The following CACNA2D4 variants were observed in gnomAD, a reference collection of about 807,000 sequenced individuals.
CACNA2D4 encodes voltage-dependent calcium channel subunit alpha-2/delta-4.
In CACNA2D4, 157 loss-of-function variants were observed where a neutral mutation model predicts 163.8. That is an observed-to-expected ratio of 0.96 (90% CI 0.84 to 1.09). The LOEUF (loss-of-function observed/expected upper bound fraction) is 1.09. Ranked by LOEUF, CACNA2D4 falls within the 50% of genes least tolerant of loss-of-function variation. CACNA2D4 has a pLI of 0.00. For missense variants in CACNA2D4, 1,410 were observed against 1,479.9 expected, an observed-to-expected ratio of 0.95 and a Z score of 0.78; for synonymous variants, 598 against 586.9, an observed-to-expected ratio of 1.02 and a Z score of -0.27.
chr12:1,886,109 A>C (rs1213146458), intron 8 of CACNA2D4, 70 bp from the exon 9 acceptor site: 1 of 1,543,314 alleles, frequency 6.5e-7, no homozygotes, highest in Non-Finnish European at 9.0e-7. Flanking sequence ...GTCCAGGCCC[A>C]GCAAAGACAC....
chr12:1,857,273 C>T (rs563946453), intron 20 of CACNA2D4, among the ~76,000 whole-genome samples: 3 of 152,288 alleles, frequency 2.0e-5, no homozygotes, highest in South Asian at 4.1e-4. Context: ...AGGGGCAGCT[C>T]CCAGACAGAT....
rs770672605 is a variant in CACNA2D4 at position 1,856,007 on chromosome 12, C to T, written c.2152+5G>A. The T allele has an allele frequency of 6.2e-7, 1 of 1,612,300 alleles. No individual in the cohort carries two copies. Among genetic ancestry groups the T allele is most frequent in the South Asian group, 1.1e-5 (1 of 91,042 alleles). On this transcript the variant is annotated splice_donor_5th_base_variant and intron_variant, in intron 22 of 37. Coordinates refer to ENST00000382722, the MANE Select transcript of CACNA2D4 (RefSeq NM_172364.5). ...AGCTTGCCTCAGTGGGCGGCCAGCA[C>T]TCACACTCCAGGTCTGGGTCCTTCC... is the stretch of plus-strand genomic sequence containing the variant.
chr12:1,797,309 C>A, intron 35 of CACNA2D4, 109 bp downstream of exon 35: 1 of 814,978 alleles, frequency 1.2e-6, no homozygotes, highest in South Asian at 1.5e-5. Context: ...ATCCCCTCCT[C>A]CCGGCTGTGG....
At position 1,797,560 on chromosome 12, in the gene CACNA2D4, G is replaced by A. The variant is rs961060027; in HGVS notation, c.2996-25C>T. 9 of 1,520,600 alleles carry A rather than the reference G, an allele frequency of 5.9e-6. No homozygotes were observed. In the East Asian group the frequency reaches 1.5e-4, roughly 25 times the overall value. The allele number at this position is 1,520,600 out of a possible 1,614,324, so 94.2% of individuals were successfully genotyped here. A position where few individuals can be genotyped will look rare whatever the true frequency, so the allele number is the denominator to read the frequency against. The stretch of plus-strand genomic sequence containing the variant: ...GCTGCGGGCGGAGAAAGGACATCAC[G>A]CCACCGAAGGGGCCTCTGGCCTGCG... On this transcript the variant is annotated intron_variant, in intron 34 of 37. Transcript: ENST00000382722.
rs370708521 is a variant in CACNA2D4 at position 1,884,303 on chromosome 12, G to C, written c.1291C>G (p.Leu431Val). 1.2e-6 allele frequency: 2 copies of C among 1,612,566 alleles called. No homozygotes were observed. Among genetic ancestry groups the C allele is most frequent in the African/African-American group, 2.7e-5 (2 of 75,006 alleles). Residue 431 changes from leucine (L) to valine (V), a missense_variant, in exon 12 of 38, where the codon CTC becomes GTC. Coordinates refer to ENST00000382722, the MANE Select transcript of CACNA2D4 (RefSeq NM_172364.5). ...PDCKVRVFTY[L>V]IGREVSFADR... ...GCAAAAGACACTTCTCTCCCAATGA[G>C]GTAAGTGAAAACTCGGACCTAACCC...
In CACNA2D4 at chr12:1,828,142, C is replaced by T; in HGVS notation, c.2551+12597G>A. ...GCGACAGGGCCCGGAGAGCCGTGGG[C>T]CTCACCATGCTGGCGCCGGGCAGCA... is the stretch of plus-strand genomic sequence containing the variant. On this transcript the variant is annotated intron_variant, in intron 26 of 37. Coordinates refer to ENST00000382722, the MANE Select transcript of CACNA2D4 (RefSeq NM_172364.5). This position sits in a 1 kb window ranked among gnomAD's most constrained non-coding sequence, Gnocchi z 4.2. 2 of 1,537,572 alleles carry T rather than the reference C, an allele frequency of 1.3e-6. No individual in the cohort carries two copies. Among genetic ancestry groups the T allele is most frequent in the Middle Eastern group, 1.9e-4 (1 of 5,314 alleles).
At position 1,834,731 on chromosome 12, in the gene CACNA2D4, C is replaced by T; in HGVS notation, c.2551+6008G>A. 6.3e-7 allele frequency: 1 copy of T among 1,575,134 alleles called. No individual in the cohort carries two copies. Among genetic ancestry groups the T allele is most frequent in the Non-Finnish European group, 8.6e-7 (1 of 1,162,208 alleles). The stretch of plus-strand genomic sequence containing the variant: ...CTCTTCTGTGGCCTGAGCGCCCATC[C>T]CCACCCGGCCAGGTAGGAAGGGCGG... On this transcript the variant is annotated intron_variant, in intron 26 of 37. Transcript: ENST00000382722. The surrounding 1 kb of genome is among the most constrained non-coding windows in gnomAD (Gnocchi z 7.6).
intron 3 of CACNA2D4, among the ~76,000 whole-genome samples, chr12:1,912,118 G>A (rs565979000): frequency 2.0e-5 from 3 of 152,320 alleles, no homozygotes; most frequent in Admixed American, 1.3e-4. Flanking sequence ...GTACACTGGA[G>A]AGGCCGCAGC....
chr12:1,878,523 A>C lies in CACNA2D4; in HGVS notation c.1645-134T>G, dbSNP rs1865928096. 2 of 1,496,550 alleles carry C rather than the reference A, an allele frequency of 1.3e-6. No homozygotes were observed. Among genetic ancestry groups the C allele is most frequent in the Non-Finnish European group, 1.8e-6 (2 of 1,107,634 alleles). 92.7% of individuals were successfully genotyped at this position (1,496,550 alleles called of 1,614,324 possible). A position where few individuals can be genotyped will look rare whatever the true frequency, so the allele number is the denominator to read the frequency against. ...CAGTGAGTGTTTTCAATAGGAACGT[A>C]ACTGAGCCAGTGCCATGCTTCCATC... On this transcript the variant is annotated intron_variant, in intron 15 of 37. Transcript: ENST00000382722. The surrounding 1 kb of genome is among the most constrained non-coding windows in gnomAD (Gnocchi z 4.6).
intron 16 of CACNA2D4, among the ~76,000 whole-genome samples, chr12:1,876,883 T>G (rs1241731474): frequency 6.6e-6 from 1 of 152,222 alleles, no homozygotes; most frequent in Non-Finnish European, 1.5e-5. Context: ...ACTGCAATTC[T>G]ACTCCATTAA....
chr12:1,813,840 G>A (rs1437827889), intron 26 of CACNA2D4, among the ~76,000 whole-genome samples: 3 of 152,190 alleles, frequency 2.0e-5, no homozygotes, highest in South Asian at 2.1e-4. Flanking sequence ...GATGAGAGCT[G>A]CAGACACAGC....
At chr12:1,831,967 T>C (rs1864655331) in intron 26 of CACNA2D4, among the ~76,000 whole-genome samples, 1 of 152,114 alleles carries the variant, frequency 6.6e-6, no homozygotes, top group African/African-American at 2.4e-5. Context: ...CTTAAACATC[T>C]CCCCTTACAT....
In CACNA2D4 at chr12:1,918,543, T is replaced by C; in HGVS notation, c.-70A>G. ...TTTGTCTTCCGTGCCTTGGCGAGCC[T>C]GGGGTCTCCAGCCTCTCAGTCCTGG... On this transcript the variant is annotated 5_prime_UTR_variant, in exon 1 of 38. Coordinates refer to ENST00000382722, the MANE Select transcript of CACNA2D4 (RefSeq NM_172364.5). 2 of 1,242,344 alleles carry C rather than the reference T, an allele frequency of 1.6e-6. No individual in the cohort carries two copies. Among genetic ancestry groups the C allele is most frequent in the Non-Finnish European group, 2.3e-6 (2 of 883,710 alleles). The allele number at this position is 1,242,344 out of a possible 1,614,324, so 77.0% of individuals were successfully genotyped here. A position where few individuals can be genotyped will look rare whatever the true frequency, so the allele number is the denominator to read the frequency against.
At chr12:1,905,068 A>C (rs1866625366) in intron 6 of CACNA2D4, among the ~76,000 whole-genome samples, 1 of 152,128 alleles carries the variant, frequency 6.6e-6, no homozygotes, top group Admixed American at 6.5e-5. Context: ...TCAACATATG[A>C]AAATTGATCA....
intron 18 of CACNA2D4, among the ~76,000 whole-genome samples, chr12:1,861,725 G>A (rs570003832): frequency 6.6e-6 from 1 of 152,270 alleles, no homozygotes; most frequent in East Asian, 1.9e-4. Context: ...TTACAGGCGT[G>A]AGCCACCATG....
rs1051245123 is a variant in CACNA2D4, at chr12:1,874,081, G to C, written c.1878+523C>G. Among the ~76,000 whole-genome samples the C allele has an allele frequency of 3.9e-5, 6 of 152,184 alleles. No homozygotes were observed. The highest frequency in any genetic ancestry group is 2.9e-5 in the Non-Finnish European group (2 of 68,038). On this transcript the variant is annotated intron_variant, in intron 18 of 37. Transcript: ENST00000382722. This position sits in a 1 kb window ranked among gnomAD's most constrained non-coding sequence, Gnocchi z 4.4. ...AGACACATTGGAACCTTTTAAGTGA[G>C]AAGATGAAATGATCTTTTATAAACG... is the stretch of plus-strand genomic sequence containing the variant.
At chr12:1,877,879 G>A (rs1386770307) in intron 16 of CACNA2D4, among the ~76,000 whole-genome samples, 2 of 152,188 alleles carry the variant, frequency 1.3e-5, no homozygotes, top group African/African-American at 4.8e-5. Context: ...CAGCCTCTGT[G>A]TCACAGTGAA....
chr12:1,818,251 C>CT (rs1382813773), intron 26 of CACNA2D4, among the ~76,000 whole-genome samples: 1 of 150,634 alleles, frequency 6.6e-6, no homozygotes, highest in Non-Finnish European at 1.5e-5. Flanking sequence ...TGCCCGGCCA[C>CT]CACCCAGTCT....
intron 26 of CACNA2D4, among the ~76,000 whole-genome samples, chr12:1,825,805 C>T (rs1227629357): frequency 6.6e-6 from 1 of 150,790 alleles, no homozygotes; most frequent in East Asian, 2.0e-4. Flanking sequence ...GAGTGATGAG[C>T]AGCCTGCAGC....
Sources: allele counts gnomAD v4.1 joint callset (sites outside exome capture counted in the v4.1 genomes callset), GRCh38; gene constraint gnomAD v4.1.1; non-coding constraint Gnocchi (gnomAD v3.1); transcripts MANE v1.5; gene names NCBI Gene and HGNC (gene_info 2026-07-23, HGNC 2026-07-21).